The following PCDH15 variants were observed in gnomAD, a reference collection of about 807,000 sequenced individuals.
PCDH15 encodes the protein protocadherin related 15.
Under a neutral mutation model 178.5 loss-of-function variants are expected in PCDH15, and 129 were observed. The ratio of observed to expected loss-of-function variants is 0.72; its 90% CI spans 0.63 to 0.84. The LOEUF (loss-of-function observed/expected upper bound fraction) is 0.84. Among genes scored for constraint, PCDH15 ranks in the 40% least tolerant of loss-of-function variants. The pLI is 0.00. For missense variants in PCDH15, 2,230 were observed against 2,099.9 expected, an observed-to-expected ratio of 1.06 and a Z score of -1.21; for synonymous variants, 800 against 732.0, an observed-to-expected ratio of 1.09 and a Z score of -1.50.
chr10:55,259,943 T>C (rs1303458770), intron 1 of PCDH15, among the ~76,000 whole-genome samples: 1 of 118,554 alleles, frequency 8.4e-6, no homozygotes, highest in Non-Finnish European at 1.8e-5. Context: ...AAAAAAAAGT[T>C]TAGCTAAGAA....
intron 25 of PCDH15, among the ~76,000 whole-genome samples, chr10:53,916,474 C>T (rs1255025124): frequency 6.6e-6 from 1 of 151,990 alleles, no homozygotes; most frequent in East Asian, 1.9e-4. Context: ...TGAGTTCAAA[C>T]GGATACATTT....
rs186327378 is a variant in PCDH15, at chr10:54,424,310, T to C, written c.158-45368A>G. 2.9e-3 allele frequency among the ~76,000 whole-genome samples: 436 copies of C among 151,948 alleles called. 14 individuals carry two copies. Among genetic ancestry groups the C allele is most frequent in the African/African-American group, 0.01 (417 of 41,262 alleles). On this transcript the variant is annotated intron_variant, in intron 3 of 37. Transcript: ENST00000644397. ...AATGCAACTCAAAACCACAATGAGA[T>C]ACCTTCGCATACCAGTTAGAATGGC...
chr10:55,483,545 T>C lies in PCDH15; in HGVS notation c.-156+144080A>G, dbSNP rs1840229967. ...CATTGTTGGTGGGAGTGTAAATTAGTTCAGCCATTGTAGAAGACAGTGTGG... is the reference window on the plus strand; with the variant it reads ...CATTGTTGGTGGGAGTGTAAATTAGCTCAGCCATTGTAGAAGACAGTGTGG... On this transcript the variant is annotated intron_variant, in intron 2 of 5. Coordinates refer to the PCDH15 transcript ENST00000613346. 2.0e-5 allele frequency among the ~76,000 whole-genome samples: 3 copies of C among 151,790 alleles called. No individual in the cohort carries two copies. The South Asian group carries it at 6.2e-4, about 31-fold the overall frequency.
intron 3 of PCDH15, among the ~76,000 whole-genome samples, chr10:54,388,329 A>C (rs1950157883): frequency 6.6e-6 from 1 of 152,190 alleles, no homozygotes; most frequent in Non-Finnish European, 1.5e-5. Flanking sequence ...CCTAGAACCC[A>C]AATGTCACCC....
At chr10:54,821,925 C>T (rs1290307208) in intron 3 of PCDH15, among the ~76,000 whole-genome samples, 1 of 152,044 alleles carries the variant, frequency 6.6e-6, no homozygotes. Context: ...AATTACTTTG[C>T]TACAGTCCCT....
chr10:53,908,402 A>G (rs911301544), intron 25 of PCDH15, among the ~76,000 whole-genome samples: 9 of 152,224 alleles, frequency 5.9e-5, no homozygotes, highest in African/African-American at 1.4e-4. Context: ...TCCTCAATCC[A>G]TCTGCATGCA....
intron 1 of PCDH15, among the ~76,000 whole-genome samples, chr10:54,688,066 A>G (rs1778310792): frequency 6.6e-6 from 1 of 152,116 alleles, no homozygotes; most frequent in Non-Finnish European, 1.5e-5. Flanking sequence ...AAAAAAATTT[A>G]AAAAAGTCTT....
rs187868882 is a variant in PCDH15 at position 54,497,689 on chromosome 10, G to A, written c.157+30123C>T. Among the ~76,000 whole-genome samples the A allele has an allele frequency of 3.4e-3, 518 of 152,154 alleles. 4 individuals are homozygous for A. Among genetic ancestry groups the A allele is most frequent in the South Asian group, 7.2e-3 (35 of 4,828 alleles). On this transcript the variant is annotated intron_variant, in intron 3 of 37. Transcript: ENST00000644397. ...AAGCATTAATAATAGAATGGACCAA[G>A]CTGAGGAAAGAACCTCCAGGGCTTG...
chr10:54,661,392 G>A (rs2094488508), intron 2 of PCDH15, among the ~76,000 whole-genome samples: 1 of 151,934 alleles, frequency 6.6e-6, no homozygotes. Context: ...ACTGCTGAAA[G>A]AAATACTACA....
chr10:54,718,681 A>C (rs2095509905), intron 1 of PCDH15, among the ~76,000 whole-genome samples: 1 of 117,372 alleles, frequency 8.5e-6, no homozygotes, highest in African/African-American at 3.2e-5. Context: ...GATCACACTG[A>C]TTCTTTTTTT....
intron 3 of PCDH15, among the ~76,000 whole-genome samples, chr10:54,835,530 T>C (rs533784455): frequency 6.6e-6 from 1 of 152,154 alleles, no homozygotes; most frequent in East Asian, 1.9e-4. Flanking sequence ...CCCCAGTACA[T>C]ATCCCTACTA....
intron 1 of PCDH15, among the ~76,000 whole-genome samples, chr10:54,671,329 A>C (rs2135506018): frequency 6.6e-6 from 1 of 152,296 alleles, no homozygotes; most frequent in Middle Eastern, 3.4e-3. Flanking sequence ...TTAATGAGTA[A>C]ATGAGTATTT....
intron 3 of PCDH15, among the ~76,000 whole-genome samples, chr10:54,467,601 G>GTTTTTTTTTTTTTTTTTTTT (rs67776985): frequency 2.2e-5 from 1 of 45,698 alleles, no homozygotes; most frequent in African/African-American, 9.0e-5. Flanking sequence ...TCAAGCTGTA[G>GTTTTTTTTTTTTTTTTTTTT]TTTTTTTTTT....
intron 12 of PCDH15, 128 bp from the exon 13 acceptor site, chr10:54,183,721 G>A (rs2048228848): frequency 9.5e-7 from 1 of 1,048,736 alleles, no homozygotes; most frequent in Non-Finnish European, 1.5e-6. Flanking sequence ...AAAATATTTT[G>A]TTGATAAAAG....
At chr10:55,502,867 A>G (rs1309739958) in intron 2 of PCDH15, among the ~76,000 whole-genome samples, 1 of 151,734 alleles carries the variant, frequency 6.6e-6, no homozygotes, top group Non-Finnish European at 1.5e-5. Flanking sequence ...AAGAACAAAT[A>G]GTTCCAATAT....
At chr10:54,436,612 T>C (rs1319789012) in intron 3 of PCDH15, among the ~76,000 whole-genome samples, 2 of 152,158 alleles carry the variant, frequency 1.3e-5, no homozygotes, top group African/African-American at 4.8e-5. Flanking sequence ...GTTCATTTAA[T>C]TGATTTTTAT....
At chr10:54,219,602 A>G (rs2052556364) in intron 9 of PCDH15, among the ~76,000 whole-genome samples, 1 of 150,262 alleles carries the variant, frequency 6.7e-6, no homozygotes, top group Non-Finnish European at 1.5e-5. Flanking sequence ...CAAAAAAAAA[A>G]AAAAAAAAAA....
intron 2 of PCDH15, among the ~76,000 whole-genome samples, chr10:55,565,498 A>C (rs953499600): frequency 6.6e-6 from 1 of 151,694 alleles, no homozygotes; most frequent in Non-Finnish European, 1.5e-5. Flanking sequence ...GAAAGAAGAT[A>C]ATAAAGACTA....
chr10:55,509,035 T>C (rs1285060360), intron 2 of PCDH15, among the ~76,000 whole-genome samples: 1 of 151,800 alleles, frequency 6.6e-6, no homozygotes, highest in African/African-American at 2.4e-5. Context: ...TAATATACTA[T>C]TGTGTTAGTA....
Sources: allele counts gnomAD v4.1 joint callset (sites outside exome capture counted in the v4.1 genomes callset), GRCh38; gene constraint gnomAD v4.1.1; transcripts MANE v1.5; gene names NCBI Gene and HGNC (gene_info 2026-07-23, HGNC 2026-07-21).